Variants in OR3A2 observed in about 807,000 individuals in gnomAD.
OR3A2 encodes the protein olfactory receptor 3A2.
For synonymous variants in OR3A2, 126 were observed against 159.3 expected (o/e 0.79, Z 1.57); for missense variants, 318 against 392.8 (o/e 0.81, Z 1.61).
At chr17:3,345,409 G>GA (rs914999188) in intron 2 of OR3A2, among the ~76,000 whole-genome samples, 1 of 129,516 alleles carries the variant, frequency 7.7e-6, no homozygotes, top group East Asian at 2.7e-4. Context: ...AAAAACAAGA[G>GA]AAAAAAAGGA....
intron 3 of OR3A2, among the ~76,000 whole-genome samples, chr17:3,320,845 T>C (rs1259254927): frequency 3.9e-5 from 6 of 152,080 alleles, no homozygotes; most frequent in Non-Finnish European, 7.4e-5. Context: ...TGGCTTAGGA[T>C]TGACTTGGCG....
intron 3 of OR3A2, among the ~76,000 whole-genome samples, chr17:3,333,479 C>T (rs1216128449): frequency 2.6e-5 from 4 of 152,108 alleles, no homozygotes; most frequent in Admixed American, 6.5e-5. Flanking sequence ...ACTCCCTGTT[C>T]GTACATCCCC....
intron 2 of OR3A2, among the ~76,000 whole-genome samples, chr17:3,372,283 A>G (rs201563656): frequency 0.21 from 28,646 of 133,290 alleles, 3,476 homozygotes; most frequent in East Asian, 0.47. Flanking sequence ...GGGAAGAGGC[A>G]CTCCTCACTT....
chr17:3,382,918 C>T (rs559312424), intron 2 of OR3A2, among the ~76,000 whole-genome samples: 1 of 152,248 alleles, frequency 6.6e-6, no homozygotes, highest in Admixed American at 6.5e-5. Flanking sequence ...TTCTTCAGAG[C>T]CCCGGAACCC....
intron 2 of OR3A2, among the ~76,000 whole-genome samples, chr17:3,364,743 A>G (rs1014061879): frequency 9.2e-5 from 14 of 152,336 alleles, no homozygotes; most frequent in Non-Finnish European, 1.8e-4. Flanking sequence ...ACTCCTGGGT[A>G]TATAGCCAAA....
chr17:3,345,386 A>G (rs935212753), intron 2 of OR3A2, among the ~76,000 whole-genome samples: 3 of 151,820 alleles, frequency 2.0e-5, no homozygotes, highest in African/African-American at 7.3e-5. Context: ...ATCATCAGAG[A>G]GAGTACAAGA....
rs551973357 is a variant in OR3A2 at position 3,315,675 on chromosome 17, G to A, written c.-85+20358C>T. On this transcript the variant is annotated intron_variant, in intron 3 of 4. Coordinates refer to the OR3A2 transcript ENST00000573491. ...CTGCTGATGGTTTATTTTGCTATGC[G>A]GATCTTTAATTAGGTCCCACTTGTC... Among the ~76,000 whole-genome samples the A allele has an allele frequency of 1.8e-3, 276 of 150,208 alleles. 1 individual carries two copies. The highest frequency in any genetic ancestry group is 6.4e-3 in the African/African-American group (262 of 40,948).
chr17:3,371,172 C>T (rs1304046760), intron 2 of OR3A2, among the ~76,000 whole-genome samples: 3 of 151,932 alleles, frequency 2.0e-5, no homozygotes, highest in Non-Finnish European at 4.4e-5. Flanking sequence ...AGAGGGGCTC[C>T]TCACTTCCCA....
rs534030549 is a variant in OR3A2 at position 3,278,866 on chromosome 17, G to C, written c.52C>G (p.Leu18Val). ...ATCTCTTCTGTTTGCACTAGGCCCA[G>C]TAGAATGAACTCAGCAACAGCGGTC... The change falls in exon 2 of 2, where the codon CTG becomes GTG. Residue 18 changes from leucine to valine, a missense_variant. By Grantham distance (32) the Leu-to-Val change is conservative (BLOSUM62 1). Coordinates refer to ENST00000642052, the Ensembl canonical transcript of OR3A2. 7 of 1,516,050 alleles carry C rather than the reference G, an allele frequency of 4.6e-6. No individual in the cohort carries two copies. In the East Asian group the frequency reaches 1.1e-4, roughly 25 times the overall value. The allele number at this position is 1,516,050 out of a possible 1,614,324, so 93.9% of individuals were successfully genotyped here.
chr17:3,352,874 C>A (rs942858089), intron 2 of OR3A2, among the ~76,000 whole-genome samples: 1 of 151,870 alleles, frequency 6.6e-6, no homozygotes, highest in Non-Finnish European at 1.5e-5. Flanking sequence ...TTTTCCAATC[C>A]ATAAACATGC....
At chr17:3,277,098 T>C (rs1407421443), downstream of OR3A2, 3 of 151,992 alleles carry the variant, frequency 2.0e-5, no homozygotes, top group Non-Finnish European at 4.4e-5. Context: ...AATTTTGTTT[T>C]TGTATTTATA....
At position 3,340,878 on chromosome 17, in the gene OR3A2, C is replaced by T. The variant is rs996042581; in HGVS notation, c.-178-4752G>A. Among the ~76,000 whole-genome samples the T allele has an allele frequency of 2.0e-5, 3 of 152,130 alleles. 1 individual carries two copies. The highest frequency in any genetic ancestry group is 4.1e-4 in the South Asian group (2 of 4,824). ...TTGACAGTGGGGTGTTAAAGTCTCC[C>T]ATTATTAAAGTGTGGGAGTCTAAGT... On this transcript the variant is annotated intron_variant, in intron 2 of 4. Coordinates refer to the OR3A2 transcript ENST00000573491.
rs552976851 is a variant in OR3A2, at chr17:3,358,351, C to A, written c.-178-22225G>T. On this transcript the variant is annotated intron_variant, in intron 2 of 4. Transcript: ENST00000573491. ...GTTGATTTGTTCTTGCTTCTTTAAT[C>A]TTTGACTTGTGAAGTTATGTTGTTA... Among the ~76,000 whole-genome samples, 7 of 151,570 alleles carry A rather than the reference C, an allele frequency of 4.6e-5. No individual in the cohort carries two copies. In the South Asian group the frequency reaches 1.5e-3, roughly 32 times the overall value.
At chr17:3,323,592 G>T (rs567911367) in intron 3 of OR3A2, among the ~76,000 whole-genome samples, 2,091 of 152,002 alleles carry the variant, frequency 0.014, 47 homozygotes, top group African/African-American at 0.046. Flanking sequence ...GTCTGTAAAG[G>T]GTTTTATTTC....
intron 3 of OR3A2, among the ~76,000 whole-genome samples, chr17:3,318,825 A>G (rs1323844395): frequency 6.6e-6 from 1 of 152,200 alleles, no homozygotes; most frequent in Non-Finnish European, 1.5e-5. Flanking sequence ...AACTAGACAG[A>G]TTGTACCACC....
intron 3 of OR3A2, among the ~76,000 whole-genome samples, chr17:3,299,178 AGAGT>A (rs2048943604): frequency 6.6e-6 from 1 of 152,190 alleles, no homozygotes; most frequent in African/African-American, 2.4e-5. Context: ...TGCTGAGGCT[AGAGT>A]AAGTATCCAG....
intron 2 of OR3A2, among the ~76,000 whole-genome samples, chr17:3,369,949 G>A (rs1320891678): frequency 1.4e-4 from 22 of 151,966 alleles, no homozygotes; most frequent in East Asian, 1.2e-3. Flanking sequence ...GACTACAGGC[G>A]CATGCCACCA....
intron 3 of OR3A2, among the ~76,000 whole-genome samples, chr17:3,307,622 G>A (rs12449698): frequency 0.17 from 26,015 of 152,136 alleles, 3,059 homozygotes; most frequent in Admixed American, 0.34. Flanking sequence ...TTGGAGGCAT[G>A]AGACTAGAAA....
chr17:3,361,886 T>G lies in OR3A2; in HGVS notation c.-179+21918A>C, dbSNP rs907194811. The stretch of plus-strand genomic sequence containing the variant: ...ATTGGTCTAAAATTCTCTTTTTTTG[T>G]TGTGTCTCTGCCCGGCTTTGGTATC... On this transcript the variant is annotated intron_variant, in intron 2 of 4. Coordinates refer to the OR3A2 transcript ENST00000573491. Among the ~76,000 whole-genome samples, 32 of 151,692 alleles carry G rather than the reference T, an allele frequency of 2.1e-4. 1 individual carries two copies. Among genetic ancestry groups the G allele is most frequent in the African/African-American group, 7.8e-4 (32 of 40,988 alleles).
Sources: gnomAD v4.1 joint callset for allele counts (sites outside exome capture counted in the v4.1 genomes callset) on GRCh38, gnomAD v4.1.1 for gene constraint, MANE v1.5 for transcripts, NCBI Gene and HGNC (gene_info 2026-07-23, HGNC 2026-07-21) for gene names.